Variants in BNC2 observed in about 807,000 individuals in gnomAD.
The protein encoded by BNC2 is basonuclin zinc finger protein 2, also known as zinc finger protein basonuclin-2.
A neutral mutation model predicts 76.3 loss-of-function variants in BNC2; 20 were observed. The observed-to-expected ratio is 0.26, with a 90% confidence interval of 0.18 to 0.38. The LOEUF is 0.38. Ranked by LOEUF, BNC2 falls within the 10% of genes least tolerant of loss-of-function variation. The probability of loss-of-function intolerance (pLI) is 1.00; values close to 1 mark genes in which losing one functional copy is unlikely to be tolerated. For missense variants in BNC2, 1,382 were observed against 1,399.8 expected (o/e 0.99, Z 0.20); for synonymous variants, 582 against 514.8 (o/e 1.13, Z -1.77).
intron 1 of BNC2, among the ~76,000 whole-genome samples, chr9:16,777,126 CA>C (rs562875297): frequency 1.3e-5 from 2 of 148,968 alleles, no homozygotes; most frequent in Admixed American, 6.7e-5. Flanking sequence ...ACTCCTGTCT[CA>C]AAAAAAATAA....
At chr9:16,553,592 A>G (rs1232362070) in intron 4 of BNC2, among the ~76,000 whole-genome samples, 1 of 152,234 alleles carries the variant, frequency 6.6e-6, no homozygotes, top group Admixed American at 6.5e-5. Context: ...TTTCTGGTGT[A>G]TTTCAGCTAA....
intron 5 of BNC2, among the ~76,000 whole-genome samples, chr9:16,477,804 C>A (rs1413544767): frequency 6.6e-6 from 1 of 152,148 alleles, no homozygotes; most frequent in East Asian, 1.9e-4. Flanking sequence ...AAAGGACAGG[C>A]ATCCTCAGAG....
chr9:16,575,320 C>G, intron 4 of BNC2: 1 of 985,394 alleles, frequency 1.0e-6, no homozygotes. Flanking sequence ...CACCCTCCCA[C>G]GAAACTCCTT....
chr9:16,679,091 C>A (rs1461506784), intron 3 of BNC2, among the ~76,000 whole-genome samples: 1 of 152,090 alleles, frequency 6.6e-6, no homozygotes, highest in Non-Finnish European at 1.5e-5. Context: ...AGAGCGAGGG[C>A]ACCTAATATT....
intron 2 of BNC2, 124 bp from the exon 3 acceptor site, chr9:16,728,121 G>C: frequency 4.4e-5 from 26 of 596,386 alleles, no homozygotes; most frequent in East Asian, 1.8e-4. Context: ...GAGGGAGGGG[G>C]TCAGAGCTTC....
At position 16,566,728 on chromosome 9, in the gene BNC2, C is replaced by A. The variant is rs191926595; in HGVS notation, c.434-13963G>T. On this transcript the variant is annotated intron_variant, in intron 4 of 6. Coordinates refer to ENST00000380672, the MANE Select transcript of BNC2 (RefSeq NM_017637.6). Reference sequence around the variant, plus strand: ...ATACGCTAGACTGATGGCCTTATAGCTATAGAAAAAGGTGTAGTATAGACC... The same window carrying A: ...ATACGCTAGACTGATGGCCTTATAGATATAGAAAAAGGTGTAGTATAGACC... 1.6e-3 allele frequency among the ~76,000 whole-genome samples: 240 copies of A among 152,116 alleles called. 1 individual carries two copies. Among genetic ancestry groups the A allele is most frequent in the African/African-American group, 5.5e-3 (227 of 41,494 alleles).
At chr9:16,783,769 C>G (rs1826776893) in intron 1 of BNC2, among the ~76,000 whole-genome samples, 1 of 152,084 alleles carries the variant, frequency 6.6e-6, no homozygotes, top group Non-Finnish European at 1.5e-5. Context: ...AATATTTTTT[C>G]TTAAGTAATT....
At chr9:16,535,164 G>A (rs1031820275) in intron 5 of BNC2, among the ~76,000 whole-genome samples, 1 of 152,106 alleles carries the variant, frequency 6.6e-6, no homozygotes, top group Non-Finnish European at 1.5e-5. Flanking sequence ...AAACTTTTGG[G>A]TTTATTGTTT....
At chr9:16,510,551 G>A (rs1822729906) in intron 5 of BNC2, among the ~76,000 whole-genome samples, 1 of 152,210 alleles carries the variant, frequency 6.6e-6, no homozygotes. Context: ...GCTACATGCT[G>A]TATATATTTG....
chr9:16,513,275 G>A lies in BNC2; in HGVS notation c.669+39255C>T, dbSNP rs547359684. 6.6e-5 allele frequency among the ~76,000 whole-genome samples: 10 copies of A among 150,984 alleles called. No homozygotes were observed. The East Asian group carries it at 1.8e-3, about 26-fold the overall frequency. The stretch of plus-strand genomic sequence containing the variant: ...AAGTAAATAGCTTTTATGAAGACAC[G>A]GGTCTAAGACATGAGAAAAGGTTCT... On this transcript the variant is annotated intron_variant, in intron 5 of 6. Transcript: ENST00000380672.
chr9:16,428,570 T>G (rs1204329451), intron 6 of BNC2, among the ~76,000 whole-genome samples: 1 of 152,348 alleles, frequency 6.6e-6, no homozygotes, highest in Non-Finnish European at 1.5e-5. Flanking sequence ...ATTAGAACAT[T>G]AGCACAATTT....
chr9:16,552,133 A>C (rs1818681569), intron 5 of BNC2, among the ~76,000 whole-genome samples: 1 of 152,172 alleles, frequency 6.6e-6, no homozygotes, highest in East Asian at 1.9e-4. Context: ...CTGCAAACTG[A>C]GTATGAGAAA....
chr9:16,835,649 C>T (rs1198471422), intron 1 of BNC2, among the ~76,000 whole-genome samples: 3 of 152,190 alleles, frequency 2.0e-5, no homozygotes, highest in Non-Finnish European at 2.9e-5. Context: ...TTGCAGTGAG[C>T]AGAGATAGCG....
At chr9:16,440,795 A>T (rs930365596) in intron 5 of BNC2, among the ~76,000 whole-genome samples, 4 of 152,220 alleles carry the variant, frequency 2.6e-5, no homozygotes, top group African/African-American at 9.6e-5. Context: ...GGAGTCTGTT[A>T]CATTAAACCA....
chr9:16,747,895 A>C (rs1825057616), intron 1 of BNC2, among the ~76,000 whole-genome samples: 1 of 152,186 alleles, frequency 6.6e-6, no homozygotes, highest in African/African-American at 2.4e-5. Flanking sequence ...TTATCCTTTC[A>C]TAGTTAGTTA....
At chr9:16,544,178 A>G (rs1818404794) in intron 5 of BNC2, among the ~76,000 whole-genome samples, 1 of 152,170 alleles carries the variant, frequency 6.6e-6, no homozygotes, top group African/African-American at 2.4e-5. Flanking sequence ...TTTAGAGCTC[A>G]CCGATTAGAG....
chr9:16,440,933 A>C (rs1343839235), intron 5 of BNC2, among the ~76,000 whole-genome samples: 1 of 152,232 alleles, frequency 6.6e-6, no homozygotes, highest in South Asian at 2.1e-4. Context: ...GATAAACAAC[A>C]AAGCATATTT....
At chr9:16,612,904 C>T (rs1820589730) in intron 3 of BNC2, among the ~76,000 whole-genome samples, 1 of 152,146 alleles carries the variant, frequency 6.6e-6, no homozygotes, top group Non-Finnish European at 1.5e-5. Context: ...CACATATCTC[C>T]TAGCTCAGTG....
intron 5 of BNC2, among the ~76,000 whole-genome samples, chr9:16,450,590 TAAATC>T (rs1249927962): frequency 6.6e-6 from 1 of 152,214 alleles, no homozygotes; most frequent in East Asian, 1.9e-4. Context: ...GCAGAAAGCT[TAAATC>T]AAATCGCCTT....
Sources: allele counts gnomAD v4.1 joint callset (sites outside exome capture counted in the v4.1 genomes callset), GRCh38; gene constraint gnomAD v4.1.1; transcripts MANE v1.5; gene names NCBI Gene and HGNC (gene_info 2026-07-23, HGNC 2026-07-21).